NEK7: variants seen among roughly 807,000 people sequenced by gnomAD.
The protein encoded by NEK7 is NIMA related kinase 7, also known as serine/threonine-protein kinase Nek7.
Under a neutral mutation model 44.6 loss-of-function variants are expected in NEK7, and 18 were observed. The ratio of observed to expected loss-of-function variants is 0.40; its 90% CI spans 0.28 to 0.60. NEK7 has a LOEUF of 0.60. Among genes scored for constraint, NEK7 ranks in the 20% least tolerant of loss-of-function variants. The pLI is 0.38. For missense variants in NEK7, 256 were observed against 366.5 expected (o/e 0.70, Z 2.46); for synonymous variants, 130 against 121.1 (o/e 1.07, Z -0.48).
intron 9 of NEK7, among the ~76,000 whole-genome samples, chr1:198,306,410 C>A (rs1206051207): frequency 6.6e-6 from 1 of 151,898 alleles, no homozygotes; most frequent in African/African-American, 2.4e-5. Context: ...AAAAAGTGAC[C>A]CCTTAGTAAC....
intron 9 of NEK7, among the ~76,000 whole-genome samples, chr1:198,315,206 C>G (rs553576013): frequency 6.6e-6 from 1 of 152,142 alleles, no homozygotes; most frequent in Admixed American, 6.5e-5. Flanking sequence ...TTCCAGGTGC[C>G]GTCTGTCACC....
At chr1:198,316,480 CATAGTT>C (rs1413835830) in intron 9 of NEK7, among the ~76,000 whole-genome samples, 12 of 152,302 alleles carry the variant, frequency 7.9e-5, no homozygotes, top group African/African-American at 2.9e-4. Flanking sequence ...TGCAACAACT[CATAGTT>C]AAACAGATTT....
chr1:198,268,705 T>A (rs1653738308), intron 5 of NEK7, among the ~76,000 whole-genome samples: 1 of 152,160 alleles, frequency 6.6e-6, no homozygotes, highest in Non-Finnish European at 1.5e-5. Flanking sequence ...TCAGCAAGCC[T>A]TGTGTGATAC....
chr1:198,295,622 ATTTTT>A (rs1300486055), intron 8 of NEK7, among the ~76,000 whole-genome samples: 1 of 145,088 alleles, frequency 6.9e-6, no homozygotes, highest in African/African-American at 2.5e-5. Flanking sequence ...GGACATTCAG[ATTTTT>A]TTTTTTTTTA....
chr1:198,240,964 A>C (rs923778029), intron 2 of NEK7, among the ~76,000 whole-genome samples: 4 of 152,220 alleles, frequency 2.6e-5, no homozygotes, highest in Non-Finnish European at 5.9e-5. Flanking sequence ...AAGCACTGGG[A>C]TTACAGGCGT....
chr1:198,159,513 G>C (rs1038016399), intron 1 of NEK7, among the ~76,000 whole-genome samples: 2 of 152,176 alleles, frequency 1.3e-5, no homozygotes, highest in Admixed American at 6.5e-5. Context: ...ACCACTAAAT[G>C]TCAGAATCTA....
rs377126865 is a variant in NEK7 at position 198,286,906 on chromosome 1, TCA to T, written c.590-6035_590-6034del. 1.6e-4 allele frequency among the ~76,000 whole-genome samples: 24 copies of T among 152,246 alleles called. 1 individual carries two copies. In the South Asian group the frequency reaches 4.8e-3, roughly 30 times the overall value. On this transcript the variant is annotated intron_variant, in intron 7 of 9. Coordinates refer to ENST00000367385, the MANE Select transcript of NEK7 (RefSeq NM_133494.3). ...AGTTAGCAGTGGTGGAGAGTCCCTC[TCA>T]CACTTTGAATCTCCCCTGCCCCTTC...
At chr1:198,266,669 G>A (rs570569477) in intron 5 of NEK7, among the ~76,000 whole-genome samples, 1 of 151,722 alleles carries the variant, frequency 6.6e-6, no homozygotes, top group Admixed American at 6.6e-5. Context: ...AATAAAATTG[G>A]GTCAGTAATA....
chr1:198,224,758 T>A (rs1488219569), intron 1 of NEK7, among the ~76,000 whole-genome samples: 2 of 152,026 alleles, frequency 1.3e-5, no homozygotes, highest in East Asian at 3.9e-4. Flanking sequence ...TATATGTGGA[T>A]ATAACCCACA....
chr1:198,225,492 C>T (rs146771168), intron 1 of NEK7, among the ~76,000 whole-genome samples: 128 of 152,126 alleles, frequency 8.4e-4, no homozygotes, highest in Middle Eastern at 6.8e-3. Context: ...TGTGGTTGTG[C>T]CCCTCTGTCC....
chr1:198,198,939 AGTTTTAATAATT>A (rs1175780237), intron 1 of NEK7, among the ~76,000 whole-genome samples: 1 of 152,170 alleles, frequency 6.6e-6, no homozygotes, highest in Non-Finnish European at 1.5e-5. Flanking sequence ...GGTTGGTGAA[AGTTTTAATAATT>A]GCACTACTGC....
At chr1:198,311,607 G>A (rs1319077859) in intron 9 of NEK7, among the ~76,000 whole-genome samples, 1 of 151,966 alleles carries the variant, frequency 6.6e-6, no homozygotes, top group African/African-American at 2.4e-5. Context: ...TTTGAGATAT[G>A]TCCCATCAAT....
rs552071142 is a variant in NEK7 at position 198,190,200 on chromosome 1, G to A, written c.-29+32924G>A. 4.6e-5 allele frequency among the ~76,000 whole-genome samples: 7 copies of A among 152,118 alleles called. No homozygotes were observed. In the East Asian group the frequency reaches 1.4e-3, roughly 29 times the overall value. ...CAGAGTTGCCATCAAAATCCGCTATGAAAACTTATCATTTAGTATATATTA... is the reference window on the plus strand; with the variant it reads ...CAGAGTTGCCATCAAAATCCGCTATAAAAACTTATCATTTAGTATATATTA... On this transcript the variant is annotated intron_variant, in intron 1 of 9. Transcript: ENST00000367385.
intron 1 of NEK7, among the ~76,000 whole-genome samples, chr1:198,205,083 G>A (rs1665555405): frequency 6.6e-6 from 1 of 152,054 alleles, no homozygotes; most frequent in African/African-American, 2.4e-5. Context: ...ATCATTCAGT[G>A]TCTGTGAATA....
chr1:198,305,552 C>T (rs1488892783), intron 9 of NEK7, among the ~76,000 whole-genome samples: 4 of 151,698 alleles, frequency 2.6e-5, no homozygotes, highest in East Asian at 1.9e-4. Flanking sequence ...GTTTGTAATC[C>T]GGAGTAAAGA....
intron 1 of NEK7, chr1:198,198,068 G>A (rs1239149491): frequency 1.3e-6 from 2 of 1,482,374 alleles, no homozygotes; most frequent in Non-Finnish European, 1.8e-6. Context: ...AGGAAGAAAG[G>A]GGCCTTGGGG....
intron 1 of NEK7, among the ~76,000 whole-genome samples, chr1:198,229,109 T>C (rs1369966890): frequency 6.6e-6 from 1 of 152,150 alleles, no homozygotes; most frequent in Non-Finnish European, 1.5e-5. Flanking sequence ...TCCCACTCAG[T>C]CTGTTAGTAT....
At chr1:198,275,553 G>A (rs1361609638) in intron 5 of NEK7, among the ~76,000 whole-genome samples, 1 of 149,640 alleles carries the variant, frequency 6.7e-6, no homozygotes, top group African/African-American at 2.4e-5. Flanking sequence ...TTTTTTCAAG[G>A]GAAACAGGAT....
At chr1:198,312,005 A>G (rs989367875) in intron 9 of NEK7, among the ~76,000 whole-genome samples, 2 of 152,196 alleles carry the variant, frequency 1.3e-5, no homozygotes, top group Admixed American at 6.5e-5. Context: ...ATAGTTTCAG[A>G]AGGAATGGTA....
Sources: allele counts gnomAD v4.1 joint callset (sites outside exome capture counted in the v4.1 genomes callset), GRCh38; gene constraint gnomAD v4.1.1; transcripts MANE v1.5; gene names NCBI Gene and HGNC (gene_info 2026-07-23, HGNC 2026-07-21).